GABRA2: variants seen among roughly 807,000 people sequenced by gnomAD.
GABRA2 encodes the protein gamma-aminobutyric acid type A receptor subunit alpha2.
Under a neutral mutation model 48.7 loss-of-function variants are expected in GABRA2, and 16 were observed. That is an observed-to-expected ratio of 0.33 (90% CI 0.22 to 0.50). GABRA2 has a LOEUF of 0.50. Ranked by LOEUF, GABRA2 falls within the 20% of genes least tolerant of loss-of-function variation. The pLI, the probability that GABRA2 is intolerant of heterozygous loss-of-function variation, is 0.98. For synonymous variants in GABRA2, 185 were observed against 184.5 expected, an observed-to-expected ratio of 1.00 and a Z score of -0.02; for missense variants, 275 against 535.6, an observed-to-expected ratio of 0.51 and a Z score of 4.80.
At chr4:46,346,795 T>C (rs1734212116) in intron 3 of GABRA2, among the ~76,000 whole-genome samples, 1 of 151,494 alleles carries the variant, frequency 6.6e-6, no homozygotes, top group Admixed American at 6.6e-5. Context: ...ACCAGAGCAA[T>C]TAAGCAAGAA....
At chr4:46,362,882 C>T (rs192336986) in intron 3 of GABRA2, among the ~76,000 whole-genome samples, 1 of 152,216 alleles carries the variant, frequency 6.6e-6, no homozygotes, top group Admixed American at 6.5e-5. Flanking sequence ...GGATGCTGTG[C>T]CAAGTGCCAT....
chr4:46,316,133 A>C (rs1022703725), intron 4 of GABRA2, among the ~76,000 whole-genome samples: 42 of 151,956 alleles, frequency 2.8e-4, no homozygotes, highest in African/African-American at 1.0e-3. Flanking sequence ...TGGAAGACAA[A>C]CTTCACAATA....
intron 2 of GABRA2, among the ~76,000 whole-genome samples, chr4:46,386,391 G>C (rs1051361061): frequency 2.6e-5 from 4 of 151,990 alleles, no homozygotes; most frequent in African/African-American, 7.3e-5. Flanking sequence ...CTAAATAGTA[G>C]ATTATCAGAA....
intron 3 of GABRA2, chr4:46,364,866 G>A (rs576326567): frequency 1.1e-3 from 168 of 152,304 alleles, no homozygotes; most frequent in African/African-American, 3.9e-3. Flanking sequence ...CACAGTCACA[G>A]TCACAGAAAT....
At chr4:46,343,991 G>T (rs1009598050) in intron 3 of GABRA2, among the ~76,000 whole-genome samples, 1 of 151,848 alleles carries the variant, frequency 6.6e-6, no homozygotes, top group Non-Finnish European at 1.5e-5. Context: ...GAGGATTAAG[G>T]CTTGACAGGA....
chr4:46,329,494 C>T (rs1044466269), intron 4 of GABRA2, among the ~76,000 whole-genome samples: 2 of 152,040 alleles, frequency 1.3e-5, no homozygotes, highest in Non-Finnish European at 2.9e-5. Context: ...AGTAGCTGCA[C>T]GTTCCTGTAG....
chr4:46,274,821 T>TA (rs1250048665), intron 8 of GABRA2, among the ~76,000 whole-genome samples: 1 of 152,078 alleles, frequency 6.6e-6, no homozygotes, highest in East Asian at 1.9e-4. Context: ...ATCTGTCAAG[T>TA]AGAGAATCCT....
chr4:46,361,310 C>T (rs1157146432), intron 3 of GABRA2, among the ~76,000 whole-genome samples: 1 of 152,092 alleles, frequency 6.6e-6, no homozygotes, highest in Non-Finnish European at 1.5e-5. Flanking sequence ...GACTTGGTGC[C>T]CTGCATCCCA....
intron 3 of GABRA2, chr4:46,369,086 A>C (rs1714491181): frequency 1.5e-6 from 1 of 675,928 alleles, no homozygotes; most frequent in Admixed American, 2.1e-5. Flanking sequence ...GAAATCTGGC[A>C]ATATGGGAAA....
chr4:46,321,781 A>G (rs1729494264), intron 4 of GABRA2, among the ~76,000 whole-genome samples: 1 of 152,050 alleles, frequency 6.6e-6, no homozygotes, highest in African/African-American at 2.4e-5. Context: ...ATCATCTTCA[A>G]AAGATCCTTC....
intron 9 of GABRA2, among the ~76,000 whole-genome samples, chr4:46,250,922 T>C (rs960774135): frequency 1.3e-4 from 19 of 151,572 alleles, no homozygotes; most frequent in African/African-American, 4.4e-4. Context: ...AGTCAAGTAT[T>C]TGTCAAATGA....
intron 4 of GABRA2, among the ~76,000 whole-genome samples, chr4:46,328,025 A>C (rs1427963579): frequency 6.6e-6 from 1 of 152,058 alleles, no homozygotes; most frequent in Admixed American, 6.6e-5. Context: ...AAGACATCCT[A>C]TATAGAAACC....
chr4:46,262,204 C>G, intron 8 of GABRA2, 76 bp from the exon 9 acceptor site: 1 of 1,090,980 alleles, frequency 9.2e-7, no homozygotes, highest in Non-Finnish European at 1.4e-6. Flanking sequence ...TTTTCTTTCT[C>G]CCTCCAGCCC....
At chr4:46,259,689 A>G (rs1441385451) in intron 9 of GABRA2, among the ~76,000 whole-genome samples, 2 of 151,996 alleles carry the variant, frequency 1.3e-5, no homozygotes, top group East Asian at 1.9e-4. Context: ...GGATTGACAG[A>G]TAACCGCATT....
intron 8 of GABRA2, among the ~76,000 whole-genome samples, chr4:46,273,296 T>C (rs1313781441): frequency 6.6e-6 from 1 of 151,570 alleles, no homozygotes; most frequent in Non-Finnish European, 1.5e-5. Context: ...TCTGGATATG[T>C]GGTTTTATTT....
chr4:46,360,432 C>T (rs1712988410), intron 3 of GABRA2, among the ~76,000 whole-genome samples: 1 of 152,208 alleles, frequency 6.6e-6, no homozygotes, highest in South Asian at 2.1e-4. Context: ...TGCACAAGCT[C>T]TCTCCCTGCC....
At chr4:46,285,798 T>C (rs1722445517) in intron 8 of GABRA2, among the ~76,000 whole-genome samples, 1 of 152,042 alleles carries the variant, frequency 6.6e-6, no homozygotes, top group African/African-American at 2.4e-5. Context: ...ATAAAATATT[T>C]ATTTTCACAT....
chr4:46,376,800 C>T (rs1322398607), intron 3 of GABRA2, among the ~76,000 whole-genome samples: 3 of 151,846 alleles, frequency 2.0e-5, no homozygotes, highest in Non-Finnish European at 4.4e-5. Context: ...CCTCTCTCCA[C>T]GGTCTCCCTC....
intron 3 of GABRA2, among the ~76,000 whole-genome samples, chr4:46,356,674 A>G (rs1578155899): frequency 6.6e-6 from 1 of 152,260 alleles, no homozygotes; most frequent in Non-Finnish European, 1.5e-5. Context: ...AGATTAGTAT[A>G]TTCTATTTTC....
Sources: gnomAD v4.1 joint callset for allele counts (sites outside exome capture counted in the v4.1 genomes callset) on GRCh38, gnomAD v4.1.1 for gene constraint, MANE v1.5 for transcripts, NCBI Gene and HGNC (gene_info 2026-07-23, HGNC 2026-07-21) for gene names.